The following CADM2 variants were observed in gnomAD, a reference collection of about 807,000 sequenced individuals.
CADM2 encodes immunoglobulin superfamily member 4D.
In CADM2, 12 loss-of-function variants were observed where a neutral mutation model predicts 49.8. The observed-to-expected ratio is 0.24, with a 90% CI of 0.15 to 0.39. The LOEUF is 0.39. Ranked by LOEUF, CADM2 falls within the 10% of genes least tolerant of loss-of-function variation. The probability of loss-of-function intolerance (pLI) is 1.00; values close to 1 mark genes in which losing one functional copy is unlikely to be tolerated. For synonymous variants in CADM2, 214 were observed against 175.4 expected (o/e 1.22, Z -1.74); for missense variants, 378 against 492.3 (o/e 0.77, Z 2.20).
chr3:85,292,205 A>T (rs1416066387), intron 1 of CADM2, among the ~76,000 whole-genome samples: 4 of 149,676 alleles, frequency 2.7e-5, no homozygotes, highest in Non-Finnish European at 5.9e-5. Flanking sequence ...CCATTACATA[A>T]TGGTAAAGGG....
intron 1 of CADM2, among the ~76,000 whole-genome samples, chr3:85,018,600 C>G (rs2034352831): frequency 1.3e-5 from 2 of 152,072 alleles, no homozygotes; most frequent in Non-Finnish European, 2.9e-5. Context: ...GGTGATCCAC[C>G]TGCCTCGGCC....
intron 1 of CADM2, among the ~76,000 whole-genome samples, chr3:85,398,885 G>T (rs1160789741): frequency 6.6e-6 from 1 of 152,202 alleles, no homozygotes; most frequent in East Asian, 1.9e-4. Context: ...TGAGTTCTTT[G>T]TAGATTCTGG....
chr3:85,239,650 T>C, intron 1 of CADM2, among the ~76,000 whole-genome samples: 1 of 151,580 alleles, frequency 6.6e-6, no homozygotes, highest in East Asian at 1.9e-4. Flanking sequence ...AAAACATTTA[T>C]AAATTTATTA....
At chr3:85,209,359 T>C (rs112093748) in intron 1 of CADM2, among the ~76,000 whole-genome samples, 47 of 152,118 alleles carry the variant, frequency 3.1e-4, no homozygotes, top group Admixed American at 1.1e-3. Context: ...CTGAGGAGAG[T>C]ATTTTTTCTT....
chr3:85,789,311 A>T (rs1239244536), intron 2 of CADM2, among the ~76,000 whole-genome samples: 1 of 152,144 alleles, frequency 6.6e-6, no homozygotes, highest in Non-Finnish European at 1.5e-5. Flanking sequence ...CTGCCTCTCA[A>T]ATGTTCATCA....
intron 1 of CADM2, among the ~76,000 whole-genome samples, chr3:85,247,608 C>G (rs1490453957): frequency 6.6e-6 from 1 of 151,912 alleles, no homozygotes; most frequent in Non-Finnish European, 1.5e-5. Flanking sequence ...GTGAGTAATC[C>G]TGATTGTATA....
At chr3:86,062,449 AC>A (rs1265180859) in intron 8 of CADM2, among the ~76,000 whole-genome samples, 1 of 151,370 alleles carries the variant, frequency 6.6e-6, no homozygotes, top group Non-Finnish European at 1.5e-5. Flanking sequence ...AGCTTCCCCC[AC>A]CCCCTCACCC....
At position 85,568,493 on chromosome 3, in the gene CADM2, T is replaced by TTCTTTCTTTCTTTCTC. The variant is rs2062374483; in HGVS notation, c.62-158014_62-158013insCTCTTTCTTTCTTTCT. 2.7e-5 allele frequency among the ~76,000 whole-genome samples: 2 copies of TTCTTTCTTTCTTTCTC among 74,570 alleles called. 1 individual carries two copies. The highest frequency in any genetic ancestry group is 6.5e-5 in the Non-Finnish European group (2 of 30,654). The allele number at this position is 74,570 out of a possible 152,430, so 48.9% of individuals were successfully genotyped here. A position where few individuals can be genotyped will look rare whatever the true frequency, so the allele number is the denominator to read the frequency against. Reference sequence around the variant, plus strand: ...TCTCTCTCTTTCTTTCTTTCTTTCTTTCTTTCTTTCTTTCTTTCTTTCCTC... The same window carrying TTCTTTCTTTCTTTCTC: ...TCTCTCTCTTTCTTTCTTTCTTTCTTTCTTTCTTTCTTTCTCTCTTTCTTTCTTTCTTTCTTTCCTC... On this transcript the variant is annotated intron_variant, in intron 1 of 9. Transcript: ENST00000383699.
At chr3:85,756,726 G>A (rs989638923) in intron 2 of CADM2, among the ~76,000 whole-genome samples, 13 of 152,168 alleles carry the variant, frequency 8.5e-5, no homozygotes, top group African/African-American at 2.6e-4. Flanking sequence ...TAGATATTAA[G>A]ATTATATTAC....
intron 2 of CADM2, among the ~76,000 whole-genome samples, chr3:85,737,761 T>G (rs894864777): frequency 5.9e-5 from 9 of 152,044 alleles, no homozygotes; most frequent in Admixed American, 2.0e-4. Flanking sequence ...GGTTTCACTG[T>G]GTTAGCTAGG....
At chr3:85,726,335 A>G in intron 1 of CADM2, 187 bp from the exon 2 acceptor site, 1 of 599,634 alleles carries the variant, frequency 1.7e-6, no homozygotes, top group Non-Finnish European at 2.9e-6. Context: ...TGTCTTACTC[A>G]AGGATCTTAC....
intron 1 of CADM2, among the ~76,000 whole-genome samples, chr3:85,568,616 T>C (rs946628639): frequency 7.5e-5 from 11 of 146,538 alleles, no homozygotes; most frequent in African/African-American, 2.8e-4. Flanking sequence ...CTCTTTCTTT[T>C]TTTTTTTTTT....
chr3:85,936,637 T>A (rs1227440030), intron 7 of CADM2, among the ~76,000 whole-genome samples: 1 of 151,854 alleles, frequency 6.6e-6, no homozygotes, highest in Admixed American at 6.6e-5. Context: ...GGAATTAAAT[T>A]GTTCTTTGTA....
rs148676695 is a variant in CADM2, at chr3:85,797,817, T to A, written c.89-4230T>A. 3.2e-3 allele frequency among the ~76,000 whole-genome samples: 488 copies of A among 152,304 alleles called. 6 individuals carry two copies. The highest frequency in any genetic ancestry group is 0.011 in the African/African-American group (456 of 41,546). On this transcript the variant is annotated intron_variant, in intron 2 of 9. Coordinates refer to ENST00000383699, the MANE Select transcript of CADM2 (RefSeq NM_001167675.2). ...GTCAAATGGTATTTCTAGTTCTAGATCCTTGAGGAATTACCACACTGCCTT... is the reference window on the plus strand; with the variant it reads ...GTCAAATGGTATTTCTAGTTCTAGAACCTTGAGGAATTACCACACTGCCTT...
rs184738635 is a variant in CADM2 at position 86,006,456 on chromosome 3, G to T, written c.970+44809G>T. The stretch of plus-strand genomic sequence containing the variant: ...GTGTGTGACCTGCTGAATGTGTGGA[G>T]CAGCACTCAACCTGTTGAAGGCTTT... On this transcript the variant is annotated intron_variant, in intron 8 of 9. Transcript: ENST00000383699. 5.4e-4 allele frequency among the ~76,000 whole-genome samples: 83 copies of T among 152,302 alleles called. 1 individual carries two copies. In the East Asian group the frequency reaches 7.1e-3, roughly 13 times the overall value.
intron 1 of CADM2, among the ~76,000 whole-genome samples, chr3:85,504,613 C>T (rs1342615315): frequency 1.3e-5 from 2 of 152,348 alleles, no homozygotes; most frequent in Admixed American, 1.3e-4. Flanking sequence ...GCTGGCTTCA[C>T]CCAGTAGATA....
Position 85,767,328 on chromosome 3 carries a change from G to A in CADM2, c.89-34719G>A, listed in dbSNP as rs140705660. 2.5e-3 allele frequency among the ~76,000 whole-genome samples: 376 copies of A among 152,258 alleles called. 1 individual carries two copies. Among genetic ancestry groups the A allele is most frequent in the African/African-American group, 8.8e-3 (364 of 41,548 alleles). On this transcript the variant is annotated intron_variant, in intron 2 of 9. Coordinates refer to ENST00000383699, the MANE Select transcript of CADM2 (RefSeq NM_001167675.2). ...AAATAAGCCGGCGGCTGCTTCGAAG[G>A]CATGTAATGAAATGATAAAGTGTGC...
At chr3:85,212,479 G>A (rs946377250) in intron 1 of CADM2, among the ~76,000 whole-genome samples, 1 of 151,952 alleles carries the variant, frequency 6.6e-6, no homozygotes, top group Non-Finnish European at 1.5e-5. Flanking sequence ...AGGATTACAA[G>A]TAATATCTTT....
chr3:86,008,909 T>C (rs549286598), intron 8 of CADM2, among the ~76,000 whole-genome samples: 78 of 151,764 alleles, frequency 5.1e-4, no homozygotes, highest in African/African-American at 1.8e-3. Flanking sequence ...GCATTTGATG[T>C]AAAATGTTCT....
Sources: allele counts gnomAD v4.1 joint callset (sites outside exome capture counted in the v4.1 genomes callset), GRCh38; gene constraint gnomAD v4.1.1; transcripts MANE v1.5; gene names NCBI Gene and HGNC (gene_info 2026-07-23, HGNC 2026-07-21).